The following WDPCP variants were observed in gnomAD, a reference collection of about 807,000 sequenced individuals.
WDPCP encodes the protein WD repeat containing planar cell polarity effector, also known as WD repeat-containing and planar cell polarity effector protein fritz homolog.
Under a neutral mutation model 93.1 loss-of-function variants are expected in WDPCP, and 71 were observed. The observed-to-expected ratio is 0.76, with a 90% CI of 0.63 to 0.93. The LOEUF (loss-of-function observed/expected upper bound fraction) is 0.93. Ranked by LOEUF, WDPCP falls within the 40% of genes least tolerant of loss-of-function variation. The pLI is 0.00. For synonymous variants in WDPCP, 315 were observed against 315.0 expected (o/e 1.00, Z 0.00); for missense variants, 844 against 887.4 (o/e 0.95, Z 0.62).
chr2:63,808,062 T>C (rs1256557916), intron 2 of WDPCP, among the ~76,000 whole-genome samples: 1 of 152,190 alleles, frequency 6.6e-6, no homozygotes, highest in Admixed American at 6.5e-5. Flanking sequence ...ATTGAGCTCT[T>C]ATCTCTGAAC....
chr2:63,125,902 C>T (rs547341508), intron 17 of WDPCP, among the ~76,000 whole-genome samples: 6 of 150,410 alleles, frequency 4.0e-5, no homozygotes, highest in African/African-American at 9.8e-5. Context: ...TGAGCCACCT[C>T]GCCAGGCTGC....
chr2:63,132,445 G>A (rs567060924), intron 17 of WDPCP, among the ~76,000 whole-genome samples: 1 of 149,530 alleles, frequency 6.7e-6, no homozygotes, highest in African/African-American at 2.5e-5. Context: ...TTTTCTTATT[G>A]TCTTCTCCTT....
chr2:63,604,633 C>A, intron 3 of WDPCP: 1 of 1,320,532 alleles, frequency 7.6e-7, no homozygotes, highest in Non-Finnish European at 1.1e-6. Flanking sequence ...TTTGTCAAAA[C>A]AGGTCCCAAT....
intron 12 of WDPCP, among the ~76,000 whole-genome samples, chr2:63,340,499 C>G (rs1688762157): frequency 6.6e-6 from 1 of 152,220 alleles, no homozygotes; most frequent in Non-Finnish European, 1.5e-5. Flanking sequence ...TTTAAGCAGT[C>G]ATGATGCTTC....
Position 63,656,933 on chromosome 2 carries a change from G to A in WDPCP, n.309-6095C>T, listed in dbSNP as rs960709051. ...ATTTGGTGAAATGAACAAAGTGGGGGAAATAACCATGAGACTATCTAGGGA... is the reference window on the plus strand; with the variant it reads ...ATTTGGTGAAATGAACAAAGTGGGGAAAATAACCATGAGACTATCTAGGGA... On this transcript the variant is annotated intron_variant and non_coding_transcript_variant, in intron 2 of 4. Transcript: ENST00000467687. Among the ~76,000 whole-genome samples, 11 of 152,304 alleles carry A rather than the reference G, an allele frequency of 7.2e-5. No homozygotes were observed. In the South Asian group the frequency reaches 1.4e-3, roughly 20 times the overall value.
chr2:63,441,339 C>T (rs1263229943), intron 6 of WDPCP: 2 of 152,066 alleles, frequency 1.3e-5, no homozygotes, highest in Admixed American at 6.6e-5. Context: ...TCTTAACTCC[C>T]CAAATTCCTT....
chr2:63,383,595 C>G (rs2104920399), intron 10 of WDPCP, among the ~76,000 whole-genome samples: 1 of 152,216 alleles, frequency 6.6e-6, no homozygotes, highest in East Asian at 1.9e-4. Flanking sequence ...GGCCAATAAT[C>G]ACAGCTACTC....
At chr2:63,449,429 T>A (rs910109956) in intron 6 of WDPCP, among the ~76,000 whole-genome samples, 1 of 152,110 alleles carries the variant, frequency 6.6e-6, no homozygotes, top group African/African-American at 2.4e-5. Context: ...GCACCTTGAA[T>A]AGAAAATCTA....
chr2:63,439,559 G>A (rs900464368), intron 7 of WDPCP, among the ~76,000 whole-genome samples, 198 bp downstream of exon 7: 1 of 152,068 alleles, frequency 6.6e-6, no homozygotes, highest in African/African-American at 2.4e-5. Flanking sequence ...AAGCTTAACA[G>A]TTGACAAGAA....
At chr2:63,338,572 ATATATATATATAT>A (rs1688618261) in intron 12 of WDPCP, among the ~76,000 whole-genome samples, 4 of 4,890 alleles carry the variant, frequency 8.2e-4, no homozygotes, top group Admixed American at 3.4e-3. Flanking sequence ...AAAAAAAAAT[ATATATATATATAT>A]ATATATATAT....
rs558115753 is a variant in WDPCP at position 63,652,500 on chromosome 2, G to A, written n.309-1662C>T. 7.2e-5 allele frequency among the ~76,000 whole-genome samples: 11 copies of A among 152,294 alleles called. No individual in the cohort carries two copies. In the South Asian group the frequency reaches 2.1e-3, roughly 29 times the overall value. On this transcript the variant is annotated intron_variant and non_coding_transcript_variant, in intron 2 of 4. Coordinates refer to the WDPCP transcript ENST00000467687. ...AGGACTGTCACTGGGTCTACAAGTAGGCAACTGTGTGGAAGGATCCCACCA... is the reference window on the plus strand; with the variant it reads ...AGGACTGTCACTGGGTCTACAAGTAAGCAACTGTGTGGAAGGATCCCACCA...
intron 14 of WDPCP, among the ~76,000 whole-genome samples, chr2:63,187,253 T>G (rs1674709980): frequency 6.6e-6 from 1 of 152,228 alleles, no homozygotes; most frequent in Admixed American, 6.5e-5. Context: ...TTATGTGGTG[T>G]TAGATCTAAA....
chr2:63,479,131 A>C (rs1700128426), intron 6 of WDPCP, among the ~76,000 whole-genome samples: 1 of 152,120 alleles, frequency 6.6e-6, no homozygotes, highest in African/African-American at 2.4e-5. Context: ...TTCCTAGATT[A>C]AACCAGGAAG....
At chr2:63,125,053 A>G (rs1231143054) in intron 17 of WDPCP, among the ~76,000 whole-genome samples, 1 of 152,186 alleles carries the variant, frequency 6.6e-6, no homozygotes, top group Non-Finnish European at 1.5e-5. Context: ...CAGCTATTCA[A>G]GTTTCACTAC....
intron 13 of WDPCP, among the ~76,000 whole-genome samples, chr2:63,281,151 C>A (rs1385686575): frequency 1.3e-5 from 2 of 151,856 alleles, no homozygotes; most frequent in Non-Finnish European, 2.9e-5. Context: ...CCAACAATCC[C>A]ATAAAAAAAG....
intron 12 of WDPCP, among the ~76,000 whole-genome samples, chr2:63,313,878 A>ATGTGTGTGTG (rs1686394197): frequency 3.5e-3 from 13 of 3,676 alleles, no homozygotes; most frequent in East Asian, 0.042. Context: ...ATATATATAT[A>ATGTGTGTGTG]TATATATATT....
At chr2:63,577,377 A>C (rs2106527372) in intron 1 of WDPCP, among the ~76,000 whole-genome samples, 1 of 152,324 alleles carries the variant, frequency 6.6e-6, no homozygotes, top group Non-Finnish European at 1.5e-5. Flanking sequence ...GTTTCCTCTA[A>C]ATAAAGTTTA....
At chr2:63,723,133 G>T (rs1186647901) in intron 2 of WDPCP, among the ~76,000 whole-genome samples, 1 of 151,570 alleles carries the variant, frequency 6.6e-6, no homozygotes, top group Non-Finnish European at 1.5e-5. Context: ...AAGTACCCAG[G>T]GACACAAACA....
intron 2 of WDPCP, among the ~76,000 whole-genome samples, chr2:63,769,827 G>A (rs1670199081): frequency 2.0e-5 from 3 of 151,812 alleles, no homozygotes; most frequent in Admixed American, 6.6e-5. Context: ...CATTGCTGGT[G>A]GGTAACTAAT....
Sources: allele counts gnomAD v4.1 joint callset (sites outside exome capture counted in the v4.1 genomes callset), GRCh38; gene constraint gnomAD v4.1.1; transcripts MANE v1.5; gene names NCBI Gene and HGNC (gene_info 2026-07-23, HGNC 2026-07-21).